The following ZNF263 variants were observed in gnomAD, a reference collection of about 807,000 sequenced individuals.
ZNF263 encodes zinc finger protein 263, also known as zinc finger protein FPM315.
ZNF263 carries 49 observed loss-of-function variants against 63.1 expected under a neutral mutation model. The ratio of observed to expected loss-of-function variants is 0.78; its 90% CI spans 0.62 to 0.99. The LOEUF (loss-of-function observed/expected upper bound fraction) is 0.99, where lower values mean the gene tolerates loss of function less well. Among genes scored for constraint, ZNF263 ranks in the 50% least tolerant of loss-of-function variants. The probability of loss-of-function intolerance (pLI) is 0.00; values close to 1 mark genes in which losing one functional copy is unlikely to be tolerated. For missense variants in ZNF263, 872 were observed against 854.8 expected, an observed-to-expected ratio of 1.02 and a Z score of -0.25; for synonymous variants, 352 against 324.2, an observed-to-expected ratio of 1.09 and a Z score of -0.92.
At chr16:3,292,012 T>G (rs2150775281), downstream of ZNF263, among the ~76,000 whole-genome samples, 1 of 152,304 alleles carries the variant, frequency 6.6e-6, no homozygotes, top group Non-Finnish European at 1.5e-5. Flanking sequence ...AGCTCAAGCC[T>G]TCTTCCCATC....
At position 3,290,699 on chromosome 16, in the gene ZNF263, G is replaced by T. The variant is rs1414272453; in HGVS notation, c.*141G>T. On this transcript the variant is annotated 3_prime_UTR_variant, in exon 6 of 6. Coordinates refer to ENST00000219069, the MANE Select transcript of ZNF263 (RefSeq NM_005741.5). ...GGGGGCTCATTGTGAGGGAGGTGCA[G>T]AGGCAGCAGAGGATTGGCATAAAAC... 1 of 1,435,826 alleles carries T rather than the reference G, an allele frequency of 7.0e-7. No homozygotes were observed. The allele number at this position is 1,435,826 out of a possible 1,614,324, so 88.9% of individuals were successfully genotyped here.
intron 3 of ZNF263, 122 bp downstream of exon 3, chr16:3,285,876 C>CT (rs1959333599): frequency 1.3e-6 from 2 of 1,527,324 alleles, no homozygotes; most frequent in African/African-American, 2.7e-5. Context: ...ACTGCTTTGT[C>CT]TATTTCACAC....
chr16:3,297,398 A>G (rs1345960908), intron 1 of ZNF263, among the ~76,000 whole-genome samples: 1 of 150,392 alleles, frequency 6.6e-6, no homozygotes, highest in Admixed American at 6.6e-5. Flanking sequence ...CACTAATTTT[A>G]TACTATAATT....
At chr16:3,291,553 G>GACTT, downstream of ZNF263, 1 of 951,446 alleles carries the variant, frequency 1.1e-6, no homozygotes. Context: ...CTTTCTCATA[G>GACTT]ACTTACTGGG....
Position 3,291,354 on chromosome 16 carries a change from A to C in ZNF263, c.*796A>C, listed in dbSNP as rs1229713115. 32 of 985,244 alleles carry C rather than the reference A, an allele frequency of 3.2e-5. No homozygotes were observed. Among genetic ancestry groups the C allele is most frequent in the Non-Finnish European group, 3.9e-5 (32 of 829,916 alleles). 61.0% of individuals were successfully genotyped at this position (985,244 alleles called of 1,614,324 possible). The stretch of plus-strand genomic sequence containing the variant: ...GGAACGAGAGCATTCCAGGAAAGAG[A>C]GATTCCCTGGAAAATTGAAAATGTG... On this transcript the variant is annotated 3_prime_UTR_variant, in exon 6 of 6. Coordinates refer to ENST00000219069, the MANE Select transcript of ZNF263 (RefSeq NM_005741.5).
Position 3,288,508 on chromosome 16 carries a change from A to G in ZNF263, c.824A>G (p.Lys275Arg), listed in dbSNP as rs143755010. Residue 275 changes from lysine to arginine, a missense_variant, in exon 5 of 6, where the codon AAG becomes AGG. By Grantham distance (26) the Lys-to-Arg change is conservative. Coordinates refer to ENST00000219069, the MANE Select transcript of ZNF263 (RefSeq NM_005741.5). ...VPGTQVGQGG[K>R]LWDPSVQSCK... ...GGCACCCAGGTGGGACAAGGAGGAA[A>G]GCTATGGGATCCCAGTGTCCAGAGC... The G allele has an allele frequency of 1.2e-5, 19 of 1,612,990 alleles. No individual in the cohort carries two copies. The highest frequency in any genetic ancestry group is 1.5e-5 in the Non-Finnish European group (18 of 1,179,516).
rs1261907624 is a variant in ZNF263 at position 3,300,513 on chromosome 16, T to C, written c.*47-400T>C. On this transcript the variant is annotated intron_variant, in intron 2 of 2. Coordinates refer to the ZNF263 transcript ENST00000574674. ...AAAATGTTGACTTACTGATTCCAAA[T>C]TCATCCATTACACTTTTAAGTGATC... 8 of 1,614,026 alleles carry C rather than the reference T, an allele frequency of 5.0e-6. No homozygotes were observed. In the East Asian group the frequency reaches 1.8e-4, roughly 36 times the overall value.
At position 3,290,778 on chromosome 16, in the gene ZNF263, C is replaced by A; in HGVS notation, c.*220C>A. 7.4e-7 allele frequency: 1 copy of A among 1,353,304 alleles called. No homozygotes were observed. Among genetic ancestry groups the A allele is most frequent in the Non-Finnish European group, 9.5e-7 (1 of 1,055,398 alleles). The allele number at this position is 1,353,304 out of a possible 1,614,324, so 83.8% of individuals were successfully genotyped here. On this transcript the variant is annotated 3_prime_UTR_variant, in exon 6 of 6. Transcript: ENST00000219069. ...GGATGGCAAGTCTCTGAGGTGACCT[C>A]AGGGTGGAATTCTCTGTTAAGTCCA...
At chr16:3,299,364 A>G (rs1348511027) in intron 2 of ZNF263, 2 of 1,586,112 alleles carry the variant, frequency 1.3e-6, no homozygotes, top group Admixed American at 3.6e-5. Context: ...TATAATCCCC[A>G]TGTTCTAAGC....
chr16:3,300,270 C>T, intron 2 of ZNF263: 6 of 1,614,212 alleles, frequency 3.7e-6, no homozygotes, highest in South Asian at 2.2e-5. Flanking sequence ...AATCTGTTCG[C>T]CCAAAACACC....
intron 4 of ZNF263, chr16:3,286,845 G>C (rs1162300618): frequency 6.6e-6 from 1 of 152,166 alleles, no homozygotes; most frequent in Non-Finnish European, 1.5e-5. Flanking sequence ...GTATGTATGA[G>C]AATTCTTTTA....
downstream of ZNF263, among the ~76,000 whole-genome samples, chr16:3,292,264 G>C (rs1959631684): frequency 6.6e-6 from 1 of 152,168 alleles, no homozygotes. Context: ...TTGAAGTCAT[G>C]GAAACAGCGC....
chr16:3,289,637 C>T lies in ZNF263; in HGVS notation c.1131C>T (p.Leu377=). 1 of 1,614,200 alleles carries T rather than the reference C, an allele frequency of 6.2e-7. No homozygotes were observed. The highest frequency in any genetic ancestry group is 8.5e-7 in the Non-Finnish European group (1 of 1,180,042). ...GRPKELQPKK[L]HLCPLCGKNF... ...CGAAGGAACTGCAGCCAAAGAAACT[C>T]CATTTATGTCCCTTGTGTGGCAAAA... Residue 377 remains leucine, a synonymous_variant, in exon 6 of 6, where the codon CTC becomes CTT. Coordinates refer to ENST00000219069, the MANE Select transcript of ZNF263 (RefSeq NM_005741.5).
rs745777532 is a variant in ZNF263, at chr16:3,290,546, T to A, written c.2040T>A (p.Thr680=). 6.2e-7 allele frequency: 1 copy of A among 1,610,200 alleles called. No individual in the cohort carries two copies. The highest frequency in any genetic ancestry group is 8.5e-7 in the Non-Finnish European group (1 of 1,178,064). The change falls in exon 6 of 6, where the codon ACT becomes ACA. Residue 680 remains threonine, a synonymous_variant. Coordinates refer to ENST00000219069, the MANE Select transcript of ZNF263 (RefSeq NM_005741.5). ...RSSRLMSHQR[T]HTG Reference sequence around the variant, plus strand: ...CCCGTCTTATGAGTCATCAGAGAACTCACACAGGTTAGTAACAGTGGGGTT... The same window carrying A: ...CCCGTCTTATGAGTCATCAGAGAACACACACAGGTTAGTAACAGTGGGGTT...
chr16:3,292,750 T>G (rs1265632671), downstream of ZNF263: 1 of 152,236 alleles, frequency 6.6e-6, no homozygotes, highest in Non-Finnish European at 1.5e-5. Context: ...CTCAGGTATT[T>G]GCCATAAAAA....
chr16:3,299,130 A>C (rs1236044567), exon 2 of ZNF263: 2 of 1,475,836 alleles, frequency 1.4e-6, no homozygotes, highest in Non-Finnish European at 1.8e-6. Flanking sequence ...TCTGAAACTC[A>C]GGTGTGGCAT....
chr16:3,285,787 C>A (rs1466625524), intron 3 of ZNF263, 33 bp downstream of exon 3: 8 of 1,609,950 alleles, frequency 5.0e-6, no homozygotes, highest in Middle Eastern at 1.7e-4. Context: ...CTCCCCCCAG[C>A]ACCCTTCCTC....
chr16:3,288,794 C>G (rs367556184), intron 5 of ZNF263, among the ~76,000 whole-genome samples: 1 of 152,048 alleles, frequency 6.6e-6, no homozygotes, highest in South Asian at 2.1e-4. Context: ...TACAGGCATG[C>G]GCCACCACGC....
chr16:3,291,696 A>T (rs1959616936), downstream of ZNF263, among the ~76,000 whole-genome samples: 1 of 152,224 alleles, frequency 6.6e-6, no homozygotes, highest in African/African-American at 2.4e-5. Flanking sequence ...ATGCTGTCAT[A>T]GGGTCTCTAG....
Sources: allele counts gnomAD v4.1 joint callset (sites outside exome capture counted in the v4.1 genomes callset), GRCh38; gene constraint gnomAD v4.1.1; transcripts MANE v1.5; gene names NCBI Gene and HGNC (gene_info 2026-07-23, HGNC 2026-07-21).